IQSEC1: variants seen among roughly 807,000 people sequenced by gnomAD.
IQSEC1 encodes IQ motif and SEC7 domain-containing protein 1.
In IQSEC1, 31 loss-of-function variants were observed where a neutral mutation model predicts 91.0. That is an observed-to-expected ratio of 0.34 (90% CI 0.26 to 0.46). IQSEC1 has a LOEUF of 0.46. Ranked by LOEUF, IQSEC1 falls within the 20% of genes least tolerant of loss-of-function variation. IQSEC1 has a pLI of 1.00. For synonymous variants in IQSEC1, 699 were observed against 662.6 expected (o/e 1.05, Z -0.84); for missense variants, 1,388 against 1,575.6 (o/e 0.88, Z 2.02).
At position 12,915,652 on chromosome 3, in the gene IQSEC1, T is replaced by A; in HGVS notation, c.2102A>T (p.Asn701Ile). The change falls in exon 7 of 14, where the codon AAT (asparagine) becomes ATT (isoleucine). Residue 701 changes from asparagine to isoleucine, a missense_variant. Coordinates refer to ENST00000613206, the MANE Select transcript of IQSEC1 (RefSeq NM_001134382.3). ...CTGCACCTGGGACACATGGTCCTCATTGGTCTTTAGCTCTCGCTTACGGAT... is the reference window on the plus strand; with the variant it reads ...CTGCACCTGGGACACATGGTCCTCAATGGTCTTTAGCTCTCGCTTACGGAT... ...ERIRKRELKT[N>I]EDHVSQVQKV... is the part of the protein sequence containing the mutation. The A allele has an allele frequency of 6.2e-7, 1 of 1,614,166 alleles. No individual in the cohort carries two copies. The highest frequency in any genetic ancestry group is 8.5e-7 in the Non-Finnish European group (1 of 1,180,012).
chr3:12,924,823 A>T lies in IQSEC1; in HGVS notation c.1569-81T>A. On this transcript the variant is annotated intron_variant, in intron 3 of 13. Transcript: ENST00000613206. The surrounding 1 kb of genome is among the most constrained non-coding windows in gnomAD (Gnocchi z 6.3). ...CCTGGAGGGGATCTCCGCTCAGTGG[A>T]CGGTCGACATTCTCCCTCCCTGCCC... The T allele has an allele frequency of 1.5e-6, 2 of 1,347,668 alleles. No individual in the cohort carries two copies. The highest frequency in any genetic ancestry group is 2.0e-6 in the Non-Finnish European group (2 of 992,982). 83.5% of individuals were successfully genotyped at this position (1,347,668 alleles called of 1,614,324 possible).
chr3:13,113,582 C>T (rs915883674), intron 2 of IQSEC1, among the ~76,000 whole-genome samples: 6 of 49,952 alleles, frequency 1.2e-4, no homozygotes, highest in Non-Finnish European at 2.1e-4. Context: ...GGAGGTGGGG[C>T]GCGGAGAGAA....
At position 13,004,768 on chromosome 3, in the gene IQSEC1, G is replaced by C. The variant is rs193102624; in HGVS notation, c.24-62903C>G. ...GGGATGGAGGGAAGCATTATCAAGG[G>C]GGGAGGCTAATTCACCTCCCACCAA... is the stretch of plus-strand genomic sequence containing the variant. On this transcript the variant is annotated intron_variant, in intron 1 of 13. Coordinates refer to ENST00000613206, the MANE Select transcript of IQSEC1 (RefSeq NM_001134382.3). 5.3e-5 allele frequency among the ~76,000 whole-genome samples: 8 copies of C among 152,196 alleles called. No homozygotes were observed. The East Asian group carries it at 7.7e-4, about 15-fold the overall frequency.
At chr3:13,257,167 G>A (rs2125124586) in intron 1 of IQSEC1, among the ~76,000 whole-genome samples, 1 of 152,300 alleles carries the variant, frequency 6.6e-6, no homozygotes, top group South Asian at 2.1e-4. Flanking sequence ...AAGACTACAA[G>A]GGAGTCAGGA....
chr3:12,958,888 G>GGGT (rs1371282982), intron 1 of IQSEC1, among the ~76,000 whole-genome samples: 1 of 152,236 alleles, frequency 6.6e-6, no homozygotes, highest in Non-Finnish European at 1.5e-5. Flanking sequence ...CAGCACTGTG[G>GGGT]GGTGGCACAG....
chr3:13,144,247 G>A (rs1329242268), intron 2 of IQSEC1, among the ~76,000 whole-genome samples: 5 of 152,172 alleles, frequency 3.3e-5, no homozygotes, highest in South Asian at 2.1e-4. Context: ...ACTAGACCAC[G>A]GCCGGCGAGC....
intron 1 of IQSEC1, among the ~76,000 whole-genome samples, chr3:13,237,525 GA>G (rs1353753711): frequency 3.9e-5 from 6 of 152,204 alleles, no homozygotes; most frequent in Non-Finnish European, 5.9e-5. Context: ...AGGGCACTCT[GA>G]ACCGGTGCAG....
At chr3:13,005,901 C>T (rs1702615356) in intron 1 of IQSEC1, among the ~76,000 whole-genome samples, 1 of 152,204 alleles carries the variant, frequency 6.6e-6, no homozygotes, top group South Asian at 2.1e-4. Flanking sequence ...CAGGCATCTG[C>T]ACACATCACA....
intron 1 of IQSEC1, among the ~76,000 whole-genome samples, chr3:13,056,038 C>T (rs1290964321): frequency 1.3e-5 from 2 of 152,122 alleles, no homozygotes; most frequent in African/African-American, 2.4e-5. Flanking sequence ...CTTAAGACAG[C>T]AGCACGAGTC....
At chr3:13,027,347 G>A (rs59658884) in intron 1 of IQSEC1, among the ~76,000 whole-genome samples, 13 of 152,326 alleles carry the variant, frequency 8.5e-5, no homozygotes, top group African/African-American at 3.1e-4. Context: ...GCAGGAGCTG[G>A]GAAAGAAGGC....
chr3:12,907,865 G>A (rs1013925318), intron 12 of IQSEC1, among the ~76,000 whole-genome samples: 5 of 152,346 alleles, frequency 3.3e-5, no homozygotes, highest in East Asian at 1.9e-4. Context: ...TGGGCTGGAC[G>A]AGGCCCGGGT....
chr3:13,051,097 G>A (rs1704675252), intron 1 of IQSEC1, among the ~76,000 whole-genome samples: 1 of 152,128 alleles, frequency 6.6e-6, no homozygotes, highest in Admixed American at 6.5e-5. Flanking sequence ...GAGCTGCATC[G>A]CTTCCCCTGC....
At chr3:13,036,041 T>C (rs1336209985) in intron 1 of IQSEC1, among the ~76,000 whole-genome samples, 1 of 152,214 alleles carries the variant, frequency 6.6e-6, no homozygotes, top group Non-Finnish European at 1.5e-5. Flanking sequence ...CAGGTGAGGC[T>C]TCCTAGGAAT....
intron 2 of IQSEC1, among the ~76,000 whole-genome samples, chr3:13,092,789 G>T (rs1262352026): frequency 6.6e-6 from 1 of 152,186 alleles, no homozygotes; most frequent in African/African-American, 2.4e-5. Flanking sequence ...CACCCACCTT[G>T]CAGGGTTCCT....
At chr3:13,152,197 A>G (rs1473641717) in intron 2 of IQSEC1, among the ~76,000 whole-genome samples, 1 of 152,186 alleles carries the variant, frequency 6.6e-6, no homozygotes, top group Admixed American at 6.5e-5. Context: ...ATGGATTAAG[A>G]AACTGTGAAA....
At chr3:12,958,988 T>A (rs890632772) in intron 1 of IQSEC1, among the ~76,000 whole-genome samples, 1 of 152,190 alleles carries the variant, frequency 6.6e-6, no homozygotes, top group Non-Finnish European at 1.5e-5. Flanking sequence ...GAGGATCAGA[T>A]GATGTCATGG....
chr3:13,070,046 C>T (rs983316534), intron 1 of IQSEC1, among the ~76,000 whole-genome samples: 3 of 151,808 alleles, frequency 2.0e-5, no homozygotes, highest in Non-Finnish European at 4.4e-5. Flanking sequence ...ACACCAGGGG[C>T]CCAGAGAGTG....
At chr3:12,914,721 C>CG (rs1477024911) in intron 8 of IQSEC1, among the ~76,000 whole-genome samples, 2 of 151,946 alleles carry the variant, frequency 1.3e-5, no homozygotes, top group African/African-American at 4.8e-5. Flanking sequence ...TGGCAGAGGA[C>CG]GGGTCCTGGG....
chr3:13,061,932 G>C (rs1156718476), intron 1 of IQSEC1, among the ~76,000 whole-genome samples: 5 of 152,218 alleles, frequency 3.3e-5, no homozygotes, highest in Non-Finnish European at 5.9e-5. Context: ...TCCTCTTGGG[G>C]ATGGAGATGG....
Sources: allele counts gnomAD v4.1 joint callset (sites outside exome capture counted in the v4.1 genomes callset), GRCh38; gene constraint gnomAD v4.1.1; non-coding constraint Gnocchi (gnomAD v3.1); transcripts MANE v1.5; gene names NCBI Gene and HGNC (gene_info 2026-07-23, HGNC 2026-07-21).